The following EMP2 variants were observed in gnomAD, a reference collection of about 807,000 sequenced individuals.
EMP2 encodes the protein epithelial membrane protein 2.
A neutral mutation model predicts 13.7 loss-of-function variants in EMP2; 19 were observed. The observed-to-expected ratio is 1.38, with a 90% confidence interval of 0.97 to 2.03. The LOEUF (loss-of-function observed/expected upper bound fraction) is 2.03, where lower values mean the gene tolerates loss of function less well. Among genes scored for constraint, EMP2 ranks in the 30% most tolerant of loss-of-function variants. The probability of loss-of-function intolerance (pLI) is 0.00; values close to 1 mark genes in which losing one functional copy is unlikely to be tolerated. For missense variants in EMP2, 253 were observed against 220.7 expected (o/e 1.15, Z -0.93); for synonymous variants, 97 against 84.7 (o/e 1.15, Z -0.80).
In EMP2 at chr16:10,559,696, A is replaced by T. The variant is rs1386733731; in HGVS notation, c.-60-12019T>A. 3.9e-5 allele frequency among the ~76,000 whole-genome samples: 6 copies of T among 152,158 alleles called. No homozygotes were observed. In the East Asian group the frequency reaches 1.2e-3, roughly 29 times the overall value. ...CTTGCTTTATTTTTATTTTTTTGAG[A>T]CAGAGTCTCGCTGTGTTGCCCAGGC... On this transcript the variant is annotated intron_variant, in intron 1 of 4. Transcript: ENST00000359543.
At chr16:10,542,324 G>A (rs1467825688) in intron 3 of EMP2, among the ~76,000 whole-genome samples, 1 of 152,096 alleles carries the variant, frequency 6.6e-6, no homozygotes, top group African/African-American at 2.4e-5. Flanking sequence ...CTTGAGCCCG[G>A]GAGGTCAAGG....
chr16:10,559,857 T>C (rs1489419529), intron 1 of EMP2, among the ~76,000 whole-genome samples: 1 of 152,130 alleles, frequency 6.6e-6, no homozygotes, highest in Non-Finnish European at 1.5e-5. Context: ...GTATTTTTAG[T>C]AAAGACGGAG....
At chr16:10,568,579 A>T (rs909115087) in intron 1 of EMP2, among the ~76,000 whole-genome samples, 1 of 151,942 alleles carries the variant, frequency 6.6e-6, no homozygotes, top group African/African-American at 2.4e-5. Context: ...GTACATCTTT[A>T]TCTTTTGTTT....
At chr16:10,536,104 T>C (rs918357223) in intron 4 of EMP2, among the ~76,000 whole-genome samples, 1 of 152,180 alleles carries the variant, frequency 6.6e-6, no homozygotes, top group African/African-American at 2.4e-5. Context: ...TCTCCACCTG[T>C]ACCTAGAAGG....
At chr16:10,564,699 C>T (rs1044881340) in intron 1 of EMP2, among the ~76,000 whole-genome samples, 4 of 151,938 alleles carry the variant, frequency 2.6e-5, no homozygotes, top group Admixed American at 6.6e-5. Flanking sequence ...CCATCCACCA[C>T]CACCATTCTC....
chr16:10,541,692 A>G (rs1265752456), intron 3 of EMP2, among the ~76,000 whole-genome samples: 4 of 152,084 alleles, frequency 2.6e-5, no homozygotes, highest in Non-Finnish European at 4.4e-5. Flanking sequence ...AACAGACGAG[A>G]TGGAAGGGAG....
At chr16:10,540,274 G>A (rs2050684131) in intron 3 of EMP2, among the ~76,000 whole-genome samples, 1 of 152,208 alleles carries the variant, frequency 6.6e-6, no homozygotes, top group South Asian at 2.1e-4. Flanking sequence ...GGGAGGCAGA[G>A]GCAGGTGGAT....
chr16:10,571,785 T>G (rs958853477), intron 1 of EMP2, among the ~76,000 whole-genome samples: 1 of 152,184 alleles, frequency 6.6e-6, no homozygotes, highest in Non-Finnish European at 1.5e-5. Flanking sequence ...GGGGATGGAT[T>G]CCAGAAGGAC....
chr16:10,558,402 A>T (rs2050848030), intron 1 of EMP2, among the ~76,000 whole-genome samples: 1 of 152,156 alleles, frequency 6.6e-6, no homozygotes, highest in East Asian at 1.9e-4. Context: ...CCAGATAACA[A>T]AGAGAATTGA....
intron 1 of EMP2, among the ~76,000 whole-genome samples, chr16:10,555,110 G>C (rs1384788377): frequency 3.9e-5 from 6 of 152,116 alleles, no homozygotes; most frequent in African/African-American, 1.4e-4. Context: ...AAACGAAGGA[G>C]GGCCAAGACT....
At chr16:10,562,346 C>CTCTCTA (rs2050877474) in intron 1 of EMP2, among the ~76,000 whole-genome samples, 2 of 116,394 alleles carry the variant, frequency 1.7e-5, no homozygotes, top group Admixed American at 1.6e-4. Context: ...TTCTCTCTCT[C>CTCTCTA]TCTCTCTCTC....
In EMP2 at chr16:10,549,546, C is replaced by G. The variant is rs143490437; in HGVS notation, c.-60-1869G>C. 1.4e-3 allele frequency among the ~76,000 whole-genome samples: 208 copies of G among 152,300 alleles called. 6 individuals are homozygous for G. The East Asian group carries it at 0.036, about 27-fold the overall frequency. On this transcript the variant is annotated intron_variant, in intron 1 of 4. Transcript: ENST00000359543. ...GTTGGAAGATGCAGCCTCCTAATAT[C>G]AACACTTGGTTCATTCTTCTTTTAT...
At chr16:10,551,968 C>T (rs1300575702) in intron 1 of EMP2, among the ~76,000 whole-genome samples, 2 of 152,194 alleles carry the variant, frequency 1.3e-5, no homozygotes, top group Non-Finnish European at 2.9e-5. Flanking sequence ...GAGGTCCTGG[C>T]TGTGATTCTG....
At chr16:10,571,890 T>C (rs925270065) in intron 1 of EMP2, among the ~76,000 whole-genome samples, 24 of 152,188 alleles carry the variant, frequency 1.6e-4, no homozygotes, top group Admixed American at 1.6e-3. Flanking sequence ...CCACCACTGT[T>C]GGCTCAAACA....
intron 1 of EMP2, chr16:10,576,808 C>G (rs925785953): frequency 2.0e-5 from 3 of 152,208 alleles, no homozygotes; most frequent in Non-Finnish European, 4.4e-5. Flanking sequence ...TGTCTCTGCA[C>G]GGGAAGGAGG....
intron 1 of EMP2, among the ~76,000 whole-genome samples, chr16:10,562,768 C>T (rs1351111037): frequency 1.3e-5 from 2 of 152,230 alleles, no homozygotes; most frequent in Non-Finnish European, 2.9e-5. Context: ...TGACCTTCCC[C>T]AGTGCCCAAG....
intron 1 of EMP2, among the ~76,000 whole-genome samples, chr16:10,550,166 G>A (rs1412446126): frequency 6.6e-5 from 10 of 152,098 alleles, no homozygotes; most frequent in South Asian, 2.1e-4. Context: ...GATTACAGGC[G>A]TGAGCCACCG....
chr16:10,539,575 C>A (rs1402256846), intron 3 of EMP2, among the ~76,000 whole-genome samples: 2 of 152,000 alleles, frequency 1.3e-5, no homozygotes, highest in African/African-American at 4.8e-5. Context: ...GAAGGGGGCC[C>A]GAGGAACTTT....
intron 1 of EMP2, among the ~76,000 whole-genome samples, chr16:10,570,914 A>G (rs771297415): frequency 6.6e-6 from 1 of 152,070 alleles, no homozygotes; most frequent in Non-Finnish European, 1.5e-5. Flanking sequence ...TGGAAGAAGA[A>G]GAAGGGCGAG....
Sources: allele counts gnomAD v4.1 joint callset (sites outside exome capture counted in the v4.1 genomes callset), GRCh38; gene constraint gnomAD v4.1.1; transcripts MANE v1.5; gene names NCBI Gene and HGNC (gene_info 2026-07-23, HGNC 2026-07-21).